Variants in NAV1 observed in about 807,000 individuals in gnomAD.
NAV1 encodes neuron navigator 1, also known as pore membrane and/or filament interacting like protein 3.
A neutral mutation model predicts 175.2 loss-of-function variants in NAV1; 18 were observed. The ratio of observed to expected loss-of-function variants is 0.10; its 90% CI spans 0.07 to 0.15. The LOEUF is 0.15. Among genes scored for constraint, NAV1 ranks in the 10% least tolerant of loss-of-function variants. The pLI, the probability that NAV1 is intolerant of heterozygous loss-of-function variation, is 1.00. For synonymous variants in NAV1, 897 were observed against 978.7 expected, an observed-to-expected ratio of 0.92 and a Z score of 1.56; for missense variants, 1,731 against 2,436.6, an observed-to-expected ratio of 0.71 and a Z score of 6.10.
At chr1:201,620,939 T>C (rs963656930), upstream of NAV1, among the ~76,000 whole-genome samples, 1 of 152,170 alleles carries the variant, frequency 6.6e-6, no homozygotes, top group East Asian at 1.9e-4. Flanking sequence ...AGTTTTCTTG[T>C]TCACAGGGTC....
chr1:201,564,627 A>C (rs962857617), intron 1 of NAV1, among the ~76,000 whole-genome samples: 2 of 152,216 alleles, frequency 1.3e-5, no homozygotes, highest in African/African-American at 4.8e-5. Flanking sequence ...TGTCTCAAAT[A>C]AATAAATAAA....
At chr1:201,634,220 G>T (rs747025401) in intron 2 of NAV1, among the ~76,000 whole-genome samples, 1 of 152,168 alleles carries the variant, frequency 6.6e-6, no homozygotes, top group Non-Finnish European at 1.5e-5. Context: ...TTAAATGCAT[G>T]GATATTGGTA....
chr1:201,734,584 C>A (rs1673031100), intron 3 of NAV1, among the ~76,000 whole-genome samples: 1 of 151,342 alleles, frequency 6.6e-6, no homozygotes, highest in East Asian at 1.9e-4. Flanking sequence ...TTGTGTTTCC[C>A]AGAGATTTGG....
chr1:201,642,030 TTCC>T (rs1668771886), intron 2 of NAV1, among the ~76,000 whole-genome samples: 1 of 149,974 alleles, frequency 6.7e-6, no homozygotes, highest in Non-Finnish European at 1.5e-5. Context: ...TTTCTCTTCC[TTCC>T]TCCTTCCTTT....
intron 1 of NAV1, among the ~76,000 whole-genome samples, chr1:201,565,617 C>T (rs1666332586): frequency 6.6e-6 from 1 of 152,260 alleles, no homozygotes; most frequent in Non-Finnish European, 1.5e-5. Context: ...AGGAACTGAG[C>T]CCCCTCTGTG....
rs75427960 is a variant in NAV1 at position 201,665,111 on chromosome 1, G to A, written c.757+15686G>A. Reference sequence around the variant, plus strand: ...TTGCATTTGATTAAGAAGCACCAGCGTCCTCCCACCCATGGTTCTTCCTTC... The same window carrying A: ...TTGCATTTGATTAAGAAGCACCAGCATCCTCCCACCCATGGTTCTTCCTTC... On this transcript the variant is annotated intron_variant, in intron 1 of 29. Coordinates refer to ENST00000367296, the Ensembl canonical transcript of NAV1. Among the ~76,000 whole-genome samples, 1,142 of 152,196 alleles carry A rather than the reference G, an allele frequency of 7.5e-3. 4 individuals carry two copies. The highest frequency in any genetic ancestry group is 0.01 in the Non-Finnish European group (697 of 68,010).
chr1:201,664,170 G>A (rs878899810), intron 1 of NAV1, among the ~76,000 whole-genome samples: 3 of 152,078 alleles, frequency 2.0e-5, no homozygotes, highest in Non-Finnish European at 2.9e-5. Context: ...GTGAGACCTC[G>A]TCTCTACTAA....
chr1:201,701,009 C>CAAAAAAAAAAAAAAAAA (rs386369321), intron 1 of NAV1, among the ~76,000 whole-genome samples: 4 of 52,764 alleles, frequency 7.6e-5, no homozygotes, highest in Admixed American at 3.3e-4. Flanking sequence ...GACTCTGTCT[C>CAAAAAAAAAAAAAAAAA]AAAAAAAAAA....
intron 2 of NAV1, among the ~76,000 whole-genome samples, chr1:201,608,048 A>T (rs1036251226): frequency 6.6e-6 from 1 of 152,074 alleles, no homozygotes; most frequent in Non-Finnish European, 1.5e-5. Flanking sequence ...TTTCTAATGC[A>T]CATGTTATTT....
chr1:201,573,053 C>A (rs1666593893), intron 1 of NAV1, among the ~76,000 whole-genome samples: 1 of 152,220 alleles, frequency 6.6e-6, no homozygotes, highest in Admixed American at 6.5e-5. Flanking sequence ...TGGAAGAGCC[C>A]TCCTTCAAAA....
In NAV1 at chr1:201,813,220, A is replaced by G; in HGVS notation, c.5302A>G (p.Ile1768Val). Residue 1768 changes from isoleucine to valine, a missense_variant, in exon 28 of 30, where the codon ATT becomes GTT. By Grantham distance (29) the Ile-to-Val change is conservative (BLOSUM62 3). Around this residue, in one of 13 missense-constraint regions of NAV1, gnomAD observed 30 missense variants for 97.3 expected, o/e 0.31. Transcript: ENST00000367296. The surrounding 1 kb of genome is among the most constrained non-coding windows in gnomAD (Gnocchi z 4.2). ...CATTGACCTGTGGAACAACTCTATCATTCCCTATCTACAGGAAGGAGCCAA... is the reference window on the plus strand; with the variant it reads ...CATTGACCTGTGGAACAACTCTATCGTTCCCTATCTACAGGAAGGAGCCAA... 6.2e-7 allele frequency: 1 copy of G among 1,614,084 alleles called. No homozygotes were observed. Among genetic ancestry groups the G allele is most frequent in the Non-Finnish European group, 8.5e-7 (1 of 1,179,968 alleles).
intron 2 of NAV1, among the ~76,000 whole-genome samples, chr1:201,642,171 T>TTCCTC (rs1558031255): frequency 8.8e-5 from 8 of 91,420 alleles, no homozygotes; most frequent in African/African-American, 3.1e-4. Flanking sequence ...TCCCCTCCCT[T>TTCCTC]CCTTCCTTCC....
intron 2 of NAV1, among the ~76,000 whole-genome samples, chr1:201,630,447 C>T (rs1668453212): frequency 6.6e-6 from 1 of 152,234 alleles, no homozygotes; most frequent in Non-Finnish European, 1.5e-5. Flanking sequence ...CAGCCTGACC[C>T]TGAGATCACC....
rs778251425 is a variant in NAV1 at position 201,808,439 on chromosome 1, C to G, written c.3867C>G (p.Pro1289=). 9 of 1,613,410 alleles carry G rather than the reference C, an allele frequency of 5.6e-6. No individual in the cohort carries two copies. Among genetic ancestry groups the G allele is most frequent in the Non-Finnish European group, 7.6e-6 (9 of 1,179,526 alleles). ...ACAGGGGCCCTGCTCACCCAGCCCC[C>G]CACACTAGGCTGTTCCATGCAAATG... The change falls in exon 19 of 30, where the codon CCC becomes CCG. Residue 1289 remains proline, a synonymous_variant. Transcript: ENST00000367296. The surrounding 1 kb of genome is among the most constrained non-coding windows in gnomAD (Gnocchi z 5.5).
At chr1:201,783,924 T>C (rs1676522110) in intron 7 of NAV1, 72 bp downstream of exon 11, 4 of 1,386,848 alleles carry the variant, frequency 2.9e-6, no homozygotes, top group Non-Finnish European at 3.9e-6. Context: ...GGCAATACTA[T>C]CCTATATTTT....
rs1372969536 is a variant in NAV1, at chr1:201,812,847, GA to G, written c.5221+189del. 2.6e-5 allele frequency among the ~76,000 whole-genome samples: 4 copies of G among 152,136 alleles called. No homozygotes were observed. The highest frequency in any genetic ancestry group is 9.7e-5 in the African/African-American group (4 of 41,422). On this transcript the variant is annotated intron_variant, in intron 27 of 29. Coordinates refer to ENST00000367296, the Ensembl canonical transcript of NAV1. This position sits in a 1 kb window ranked among gnomAD's most constrained non-coding sequence, Gnocchi z 4.6. ...ACAGTTAGCACCACTTCAATCACCA[GA>G]AAGCTAACCCCTCTCCTTGTTTTTT...
intron 3 of NAV1, among the ~76,000 whole-genome samples, chr1:201,739,121 G>T (rs926289792): frequency 6.6e-6 from 1 of 152,126 alleles, no homozygotes; most frequent in African/African-American, 2.4e-5. Context: ...TTCCTAACCG[G>T]TCAGTTGAAA....
intron 3 of NAV1, among the ~76,000 whole-genome samples, chr1:201,779,781 C>G (rs978453199): frequency 6.6e-6 from 1 of 152,010 alleles, no homozygotes; most frequent in African/African-American, 2.4e-5. Flanking sequence ...ATATTCCAAG[C>G]AATTGGCAGA....
chr1:201,694,417 C>G lies in NAV1; in HGVS notation c.758-18400C>G, dbSNP rs1671099365. On this transcript the variant is annotated intron_variant, in intron 1 of 29. Transcript: ENST00000367296. This position sits in a 1 kb window ranked among gnomAD's most constrained non-coding sequence, Gnocchi z 4.2. ...TGAGCCTAGGGTGCCCCCTTTGCGT[C>G]CTCTGGCTCATTAAAGATAGATGAC... Among the ~76,000 whole-genome samples, 1 of 152,188 alleles carries G rather than the reference C, an allele frequency of 6.6e-6. No individual in the cohort carries two copies. Among genetic ancestry groups the G allele is most frequent in the Non-Finnish European group, 1.5e-5 (1 of 68,026 alleles).
Sources: allele counts gnomAD v4.1 joint callset (sites outside exome capture counted in the v4.1 genomes callset), GRCh38; gene constraint gnomAD v4.1.1; regional missense constraint gnomAD v4.1.1; non-coding constraint Gnocchi (gnomAD v3.1); transcripts MANE v1.5; gene names NCBI Gene and HGNC (gene_info 2026-07-23, HGNC 2026-07-21).